Variants in LYST observed in about 807,000 individuals in gnomAD.
LYST encodes lysosomal trafficking regulator, also known as lysosomal-trafficking regulator.
A neutral mutation model predicts 413.6 loss-of-function variants in LYST; 192 were observed. The ratio of observed to expected loss-of-function variants is 0.46; its 90% CI spans 0.41 to 0.52. The LOEUF (loss-of-function observed/expected upper bound fraction) is 0.52, where lower values mean the gene tolerates loss of function less well. LYST is among the 20% of genes least tolerant of loss of function. LYST has a pLI of 0.00. For synonymous variants in LYST, 1,525 were observed against 1,567.3 expected, an observed-to-expected ratio of 0.97 and a Z score of 0.64; for missense variants, 3,815 against 4,499.9, an observed-to-expected ratio of 0.85 and a Z score of 4.35.
At chr1:235,750,800 T>A (rs1291188677) in intron 28 of LYST, among the ~76,000 whole-genome samples, 2 of 152,226 alleles carry the variant, frequency 1.3e-5, no homozygotes, top group Non-Finnish European at 2.9e-5. Flanking sequence ...CTTTATCAGT[T>A]CTAGCATTAA....
At chr1:235,862,343 C>G (rs1265600319) in intron 1 of LYST, among the ~76,000 whole-genome samples, 1 of 152,220 alleles carries the variant, frequency 6.6e-6, no homozygotes, top group East Asian at 1.9e-4. Flanking sequence ...CTGAGGTCAA[C>G]TGTGGTCTGA....
upstream of LYST, among the ~76,000 whole-genome samples, chr1:235,868,619 C>G (rs766397951): frequency 8.5e-5 from 13 of 152,108 alleles, no homozygotes; most frequent in Non-Finnish European, 1.3e-4. Context: ...ACAATTGGCC[C>G]TCAAAGTATT....
intron 47 of LYST, among the ~76,000 whole-genome samples, chr1:235,690,499 G>C (rs890568414): frequency 6.6e-6 from 1 of 152,066 alleles, no homozygotes; most frequent in Non-Finnish European, 1.5e-5. Context: ...AATGCAGCCT[G>C]ATGTTTCAAA....
intron 7 of LYST, among the ~76,000 whole-genome samples, chr1:235,804,051 A>G (rs191688421): frequency 1.2e-4 from 18 of 152,330 alleles, no homozygotes; most frequent in Non-Finnish European, 2.4e-4. Flanking sequence ...GCTATTTTCT[A>G]TGTAGGCACT....
At chr1:235,879,271 GA>G (rs1188013333) in intron 1 of LYST, among the ~76,000 whole-genome samples, 1 of 152,252 alleles carries the variant, frequency 6.6e-6, no homozygotes, top group Non-Finnish European at 1.5e-5. Context: ...TCACTGGGGA[GA>G]ATACATTTGC....
chr1:235,882,798 A>C (rs1681433970), intron 1 of LYST, among the ~76,000 whole-genome samples: 1 of 152,184 alleles, frequency 6.6e-6, no homozygotes, highest in Admixed American at 6.5e-5. Context: ...TTGTGTAAAA[A>C]CATCCCACAT....
At chr1:235,845,710 C>A (rs1677765713) in intron 1 of LYST, among the ~76,000 whole-genome samples, 1 of 152,202 alleles carries the variant, frequency 6.6e-6, no homozygotes, top group South Asian at 2.1e-4. Flanking sequence ...GCTCCGACTG[C>A]TGGCTTTCCC....
At chr1:235,797,962 G>A (rs181454463) in intron 10 of LYST, among the ~76,000 whole-genome samples, 76 of 152,220 alleles carry the variant, frequency 5.0e-4, no homozygotes, top group Non-Finnish European at 1.3e-4. Context: ...CATAAGCAGA[G>A]GGCTTGAATA....
At chr1:235,744,688 C>G (rs967659639) in intron 29 of LYST, among the ~76,000 whole-genome samples, 2 of 151,840 alleles carry the variant, frequency 1.3e-5, no homozygotes, top group South Asian at 4.1e-4. Context: ...TCACCTGAGT[C>G]AAGGAGTTTG....
Position 235,808,722 on chromosome 1 carries a change from A to G in LYST, c.2096T>C (p.Phe699Ser). The G allele has an allele frequency of 6.2e-7, 1 of 1,614,048 alleles. No individual in the cohort carries two copies. ...ATGTAATCTGTCTTCTTCAAAAACA[A>G]AGTTCTGATAAGCCTTTAAAGCATC... is the stretch of plus-strand genomic sequence containing the variant. ...KWDALKAYQNFVFEEDRLHSI... is the reference protein window; with the variant it reads ...KWDALKAYQNSVFEEDRLHSI... Residue 699 changes from phenylalanine (F) to serine (S), a missense_variant, in exon 5 of 53, where the codon TTT becomes TCT. Physicochemically the swap from Phe to Ser is radical, Grantham distance 155. Coordinates refer to ENST00000389793, the MANE Select transcript of LYST (RefSeq NM_000081.4).
chr1:235,712,494 A>T (rs1662475206), intron 42 of LYST: 3 of 642,220 alleles, frequency 4.7e-6, no homozygotes, highest in Non-Finnish European at 6.0e-6. Context: ...TTCCACAAAA[A>T]CAGGGCCCTG....
chr1:235,702,707 T>G, intron 45 of LYST, 40 bp downstream of exon 45: 1 of 1,525,132 alleles, frequency 6.6e-7, no homozygotes, highest in East Asian at 2.2e-5. Context: ...AAGAGTCTAA[T>G]CAGGTTTTGC....
At chr1:235,782,823 T>A (rs945532379) in intron 14 of LYST, among the ~76,000 whole-genome samples, 5 of 152,174 alleles carry the variant, frequency 3.3e-5, no homozygotes, top group African/African-American at 1.2e-4. Context: ...TGAAAACTAA[T>A]CAGTAAAAAC....
intron 28 of LYST, among the ~76,000 whole-genome samples, chr1:235,748,173 T>C (rs557292258): frequency 4.5e-4 from 69 of 152,296 alleles, no homozygotes; most frequent in African/African-American, 1.6e-3. Flanking sequence ...ATAAAGTTCA[T>C]TTGTATGTGA....
intron 19 of LYST, among the ~76,000 whole-genome samples, chr1:235,773,246 G>C (rs550534812): frequency 1.3e-5 from 2 of 151,942 alleles, no homozygotes; most frequent in South Asian, 2.1e-4. Flanking sequence ...CTGAGCCTGG[G>C]GGTGGAGGTT....
chr1:235,828,112 T>C lies in LYST; in HGVS notation c.192+2114A>G, dbSNP rs189336890. 2.5e-4 allele frequency: 240 copies of C among 942,416 alleles called. No homozygotes were observed. The African/African-American group carries it at 4.0e-3, about 16-fold the overall frequency. The allele number at this position is 942,416 out of a possible 1,614,324, so 58.4% of individuals were successfully genotyped here. On this transcript the variant is annotated intron_variant, in intron 3 of 52. Coordinates refer to ENST00000389793, the MANE Select transcript of LYST (RefSeq NM_000081.4). ...TTTTAGAATGGCTAACACTACAGACTAGCAAAATATTCCCAAAAGAAAAAT... is the reference window on the plus strand; with the variant it reads ...TTTTAGAATGGCTAACACTACAGACCAGCAAAATATTCCCAAAAGAAAAAT...
In LYST at chr1:235,702,899, C is replaced by T. The variant is rs778714751; in HGVS notation, c.10222G>A (p.Gly3408Arg). Residue 3408 changes from glycine to arginine, a missense_variant, in exon 45 of 53, where the codon GGG becomes AGG. Gly to Arg is a moderately radical substitution (Grantham distance 125). Around this residue, in one of 4 missense-constraint regions of LYST, gnomAD observed 866 missense variants for 1,156.0 expected, o/e 0.75. Coordinates refer to ENST00000389793, the MANE Select transcript of LYST (RefSeq NM_000081.4). ...TGGAACAGCTGACGGGGAGTCTGCC[C>T]GTAGGTTTTTATCATGGTTTCTAGC... ...RALETMIKTY[G>R]QTPRQLFHMA... 5.6e-6 allele frequency: 9 copies of T among 1,613,964 alleles called. No individual in the cohort carries two copies. Among genetic ancestry groups the T allele is most frequent in the Non-Finnish European group, 7.6e-6 (9 of 1,180,032 alleles).
intron 8 of LYST, 152 bp downstream of exon 8, chr1:235,802,756 A>G: frequency 1.4e-6 from 1 of 710,600 alleles, no homozygotes; most frequent in Non-Finnish European, 2.4e-6. Flanking sequence ...TATGAATGCC[A>G]GACTGTTGGG....
chr1:235,872,078 C>T (rs968271267), intron 1 of LYST, among the ~76,000 whole-genome samples: 14 of 152,010 alleles, frequency 9.2e-5, no homozygotes, highest in South Asian at 8.3e-4. Context: ...GGTGGATCAC[C>T]GGAAGTCAGG....
Sources: allele counts gnomAD v4.1 joint callset (sites outside exome capture counted in the v4.1 genomes callset), GRCh38; gene constraint gnomAD v4.1.1; regional missense constraint gnomAD v4.1.1; transcripts MANE v1.5; gene names NCBI Gene and HGNC (gene_info 2026-07-23, HGNC 2026-07-21).